Variants in NPC1 observed in about 807,000 individuals in gnomAD.
NPC1 encodes the protein NPC intracellular cholesterol transporter 1.
In NPC1, 85 loss-of-function variants were observed where a neutral mutation model predicts 140.4. That is an observed-to-expected ratio of 0.61 (90% CI 0.51 to 0.72). NPC1 has a LOEUF of 0.72. NPC1 is among the 30% of genes least tolerant of loss of function. The pLI, the probability that NPC1 is intolerant of heterozygous loss-of-function variation, is 0.00. For missense variants in NPC1, 1,504 were observed against 1,623.8 expected (o/e 0.93, Z 1.27); for synonymous variants, 656 against 624.8 (o/e 1.05, Z -0.74).
chr18:23,556,169 C>G, intron 8 of NPC1, 74 bp downstream of exon 8: 3 of 1,283,676 alleles, frequency 2.3e-6, no homozygotes, highest in Non-Finnish European at 1.1e-6. Context: ...CCCCATCTAG[C>G]AGTAGTCAAC....
chr18:23,568,672 C>T, intron 4 of NPC1, 151 bp downstream of exon 4: 1 of 676,654 alleles, frequency 1.5e-6, no homozygotes. Context: ...AGTTCAAGTC[C>T]TAGGATACAA....
downstream of NPC1, chr18:23,529,255 C>T: frequency 1.9e-6 from 3 of 1,614,022 alleles, no homozygotes; most frequent in Non-Finnish European, 2.5e-6. Context: ...CTGGACCAGT[C>T]AGATGTGTAC....
At chr18:23,584,945 G>A (rs2059398617) in intron 1 of NPC1, among the ~76,000 whole-genome samples, 1 of 152,188 alleles carries the variant, frequency 6.6e-6, no homozygotes. Context: ...GCTTTGGGAG[G>A]CCAAGGTGGA....
At position 23,544,947 on chromosome 18, in the gene NPC1, C is replaced by CCCCG. The variant is rs1555634656; in HGVS notation, c.1947+12_1947+13insCGGG. 2.6e-5 allele frequency: 35 copies of CCCCG among 1,359,592 alleles called. 2 individuals carry two copies. The highest frequency in any genetic ancestry group is 2.5e-4 in the Admixed American group (14 of 56,392). 84.2% of individuals were successfully genotyped at this position (1,359,592 alleles called of 1,614,324 possible). On this transcript the variant is annotated intron_variant, in intron 12 of 24. Transcript: ENST00000269228. ...TTAACCTCTAGAACATACACCACCC[C>CCCCG]CCCCCGGCTTACCAGAAGCCTGCGA...
chr18:23,520,390 C>T, downstream of NPC1: 5 of 1,226,292 alleles, frequency 4.1e-6, no homozygotes, highest in Non-Finnish European at 5.9e-6. Context: ...CTTTGGGAGT[C>T]ACGTTAAAAG....
downstream of NPC1, among the ~76,000 whole-genome samples, chr18:23,521,675 A>G (rs1221252147): frequency 6.8e-6 from 1 of 148,110 alleles, no homozygotes; most frequent in African/African-American, 2.5e-5. Context: ...CTGAAAGAAT[A>G]TTCAACACAC....
At chr18:23,519,489 G>A (rs1031228391), downstream of NPC1, among the ~76,000 whole-genome samples, 8 of 151,584 alleles carry the variant, frequency 5.3e-5, no homozygotes, top group East Asian at 1.6e-3. Flanking sequence ...CTGCACTCCA[G>A]CCTGGGTGAT....
downstream of NPC1, chr18:23,530,147 A>G: frequency 1.1e-5 from 17 of 1,613,864 alleles, no homozygotes; most frequent in Non-Finnish European, 1.4e-5. Context: ...GCATTGCCAG[A>G]TTTTTACTTC....
rs1402286009 is a variant in NPC1 at position 23,572,161 on chromosome 18, A to T, written c.200T>A (p.Phe67Tyr). 6.2e-7 allele frequency: 1 copy of T among 1,613,022 alleles called. No individual in the cohort carries two copies. Among genetic ancestry groups the T allele is most frequent in the Non-Finnish European group, 8.5e-7 (1 of 1,179,392 alleles). Reference sequence around the variant, plus strand: ...ACAACAGAGACTGACATTGCCAAAGAAGAATCCTGGACAGAGTTCCTTTCA... The same window carrying T: ...ACAACAGAGACTGACATTGCCAAAGTAGAATCCTGGACAGAGTTCCTTTCA... ...DLVQELCPGF[F>Y]FGNVSLCCDV... Residue 67 changes from phenylalanine to tyrosine, a missense_variant, in exon 3 of 25, where the codon TTC (phenylalanine) becomes TAC (tyrosine). Transcript: ENST00000269228.
intron 3 of NPC1, among the ~76,000 whole-genome samples, chr18:23,569,638 GAAAAT>G (rs1179887077): frequency 1.3e-5 from 2 of 152,088 alleles, no homozygotes; most frequent in Admixed American, 6.5e-5. Flanking sequence ...TGATTAAGAA[GAAAAT>G]AAAATAATGA....
rs984930721 is a variant in NPC1, at chr18:23,538,597, T to G, written c.2986A>C (p.Met996Leu). ...GKQRPQGGDF[M>L]RFLPMFLSDN... is the part of the protein sequence containing the mutation. ...GAAAGGAACATGGGCAGGAATCTCA[T>G]GAAGTCTCCCCCCTGAGGCCTCTGT... is the stretch of plus-strand genomic sequence containing the variant. Residue 996 changes from methionine to leucine, a missense_variant, in exon 20 of 25, where the codon ATG becomes CTG. Transcript: ENST00000269228. The G allele has an allele frequency of 2.5e-6, 4 of 1,614,190 alleles. No homozygotes were observed. Among genetic ancestry groups the G allele is most frequent in the Admixed American group, 3.3e-5 (2 of 60,014 alleles).
In NPC1 at chr18:23,539,910, T is replaced by C; in HGVS notation, c.2696A>G (p.Tyr899Cys). The change falls in exon 18 of 25, where the codon TAC (tyrosine) becomes TGC (cysteine). Residue 899 changes from tyrosine (Y) to cysteine (C), a missense_variant. Transcript: ENST00000269228. ...VYFVLEEGHD[Y>C]TSSKGQNMVC... The stretch of plus-strand genomic sequence containing the variant: ...CATGTTCTGCCCCTTGGAAGAAGTG[T>C]AGTCGTGCCCTTCCTCCAGGACAAA... The C allele has an allele frequency of 6.2e-7, 1 of 1,614,044 alleles. No individual in the cohort carries two copies. Among genetic ancestry groups the C allele is most frequent in the East Asian group, 2.2e-5 (1 of 44,874 alleles).
At chr18:23,567,236 T>C (rs746344366) in intron 4 of NPC1, among the ~76,000 whole-genome samples, 35 of 152,224 alleles carry the variant, frequency 2.3e-4, no homozygotes, top group Non-Finnish European at 4.4e-4. Flanking sequence ...CTAAATTATC[T>C]TCCAAGGTGG....
intron 19 of NPC1, 94 bp from the exon 20 acceptor site, chr18:23,538,765 T>G (rs2058670071): frequency 1.5e-6 from 2 of 1,325,632 alleles, no homozygotes; most frequent in African/African-American, 2.9e-5. Context: ...GGCATTACTT[T>G]CTTCTCTATC....
intron 11 of NPC1, among the ~76,000 whole-genome samples, chr18:23,546,248 CAAAAAAAAAAAAAAAAA>C (rs60021403): frequency 2.2e-5 from 1 of 45,578 alleles, no homozygotes; most frequent in African/African-American, 1.0e-4. Flanking sequence ...GACTCTGTCT[CAAAAAAAAAAAAAAAAA>C]AAAAAAAAAA....
At chr18:23,534,778 G>A (rs906002553) in intron 22 of NPC1, among the ~76,000 whole-genome samples, 9 of 152,106 alleles carry the variant, frequency 5.9e-5, no homozygotes, top group African/African-American at 1.7e-4. Flanking sequence ...GGTTTTCTGT[G>A]GCACGTTTGT....
chr18:23,572,456 T>C (rs2059217574), intron 2 of NPC1, among the ~76,000 whole-genome samples: 2 of 152,212 alleles, frequency 1.3e-5, no homozygotes, highest in African/African-American at 4.8e-5. Flanking sequence ...TTTTTGTTTG[T>C]TTGATTCAAT....
At position 23,544,473 on chromosome 18, in the gene NPC1, C is replaced by T. The variant is rs762100560; in HGVS notation, c.2001G>A (p.Ser667=). 83 of 1,614,036 alleles carry T rather than the reference C, an allele frequency of 5.1e-5. No individual in the cohort carries two copies. Among genetic ancestry groups the T allele is most frequent in the African/African-American group, 8.0e-5 (6 of 74,906 alleles). Residue 667 remains serine, a synonymous_variant, in exon 13 of 25, where the codon TCG becomes TCA. Transcript: ENST00000269228. ...GIAGILIVLS[S]VACSLGVFSY... ...TGAAGACACCCAAGGAGCAAGCCAC[C>T]GAGCTCAGCACGATCAAGATGCCCG...
intron 16 of NPC1, 103 bp from the exon 17 acceptor site, chr18:23,540,640 G>A (rs2058701068): frequency 4.5e-6 from 4 of 885,574 alleles, no homozygotes; most frequent in Non-Finnish European, 7.3e-6. Flanking sequence ...TTTTTAAAAT[G>A]GAAAAGCTTA....
Sources: allele counts gnomAD v4.1 joint callset (sites outside exome capture counted in the v4.1 genomes callset), GRCh38; gene constraint gnomAD v4.1.1; transcripts MANE v1.5; gene names NCBI Gene and HGNC (gene_info 2026-07-23, HGNC 2026-07-21).